The following RFC3 variants were observed in gnomAD, a reference collection of about 807,000 sequenced individuals.
The protein encoded by RFC3 is A1 38 kDa subunit.
In RFC3, 41 loss-of-function variants were observed where a neutral mutation model predicts 45.1. That is an observed-to-expected ratio of 0.91 (90% confidence interval 0.71 to 1.18). RFC3 has a LOEUF of 1.18. Ranked by LOEUF, RFC3 falls within the 50% of genes most tolerant of loss-of-function variation. RFC3 has a pLI of 0.00. For missense variants in RFC3, 423 were observed against 428.1 expected (o/e 0.99, Z 0.10); for synonymous variants, 149 against 144.0 (o/e 1.03, Z -0.25).
intron 8 of RFC3, among the ~76,000 whole-genome samples, chr13:33,877,618 A>C (rs987359145): frequency 6.6e-6 from 1 of 151,628 alleles, no homozygotes; most frequent in Non-Finnish European, 1.5e-5. Flanking sequence ...TAAAAATGAA[A>C]AGCTTTTATT....
chr13:33,818,326 C>G (rs1212205913), intron 1 of RFC3, 61 bp downstream of exon 1: 2 of 1,412,374 alleles, frequency 1.4e-6, no homozygotes, highest in East Asian at 4.6e-5. Flanking sequence ...GGGTTTCGCG[C>G]CCCCCTGAGG....
chr13:33,922,518 A>G (rs999181298), intron 8 of RFC3, among the ~76,000 whole-genome samples: 1 of 152,156 alleles, frequency 6.6e-6, no homozygotes, highest in Non-Finnish European at 1.5e-5. Context: ...TAGATAATTT[A>G]CTTGTTGATA....
At chr13:33,850,231 AATT>A (rs1264522085) in intron 8 of RFC3, 11 of 152,196 alleles carry the variant, frequency 7.2e-5, no homozygotes, top group African/African-American at 2.6e-4. Context: ...TTTGTTTTTA[AATT>A]GTGGAGATGA....
rs2082689309 is a variant in RFC3 at position 33,909,134 on chromosome 13, G to C, written c.880-56953G>C. Among the ~76,000 whole-genome samples the C allele has an allele frequency of 2.0e-5, 3 of 151,980 alleles. No individual in the cohort carries two copies. The South Asian group carries it at 6.2e-4, about 32-fold the overall frequency. ...ATAGCTTTTCTCACATTGCCTAAAA[G>C]ATGTTGAAACTACCTGTAATATACA... is the stretch of plus-strand genomic sequence containing the variant. On this transcript the variant is annotated intron_variant, in intron 8 of 8. Coordinates refer to the RFC3 transcript ENST00000434425.
chr13:33,882,435 A>G (rs2082491277), intron 8 of RFC3, among the ~76,000 whole-genome samples: 2 of 152,190 alleles, frequency 1.3e-5, no homozygotes, highest in South Asian at 4.1e-4. Flanking sequence ...CTCCAGTGTG[A>G]TGGTGTTTGG....
At chr13:33,893,211 A>G (rs990886625) in intron 8 of RFC3, among the ~76,000 whole-genome samples, 3 of 152,172 alleles carry the variant, frequency 2.0e-5, no homozygotes, top group Admixed American at 2.0e-4. Flanking sequence ...ACCCCTGGGC[A>G]TGAACCCTTA....
chr13:33,891,056 A>C (rs890073885), intron 8 of RFC3, among the ~76,000 whole-genome samples: 1 of 152,176 alleles, frequency 6.6e-6, no homozygotes, highest in Non-Finnish European at 1.5e-5. Flanking sequence ...ATTTCCAATA[A>C]TTTTTATCTT....
At chr13:33,868,504 G>C (rs111311581) in intron 8 of RFC3, among the ~76,000 whole-genome samples, 1 of 152,206 alleles carries the variant, frequency 6.6e-6, no homozygotes, top group South Asian at 2.1e-4. Context: ...AACCAATCAG[G>C]CTGGTCATGG....
intron 8 of RFC3, among the ~76,000 whole-genome samples, chr13:33,876,392 T>G (rs1176207169): frequency 6.6e-6 from 1 of 152,212 alleles, no homozygotes; most frequent in Non-Finnish European, 1.5e-5. Context: ...TTGACAATCC[T>G]TATTTTAATC....
At chr13:33,971,514 G>A (rs537637907), downstream of RFC3, among the ~76,000 whole-genome samples, 9 of 152,234 alleles carry the variant, frequency 5.9e-5, no homozygotes, top group Non-Finnish European at 1.3e-4. Flanking sequence ...TTTAGGCTTT[G>A]TGAGCTACAT....
In RFC3 at chr13:33,895,405, A is replaced by G. The variant is rs1434104234; in HGVS notation, c.879+60188A>G. Among the ~76,000 whole-genome samples, 3 of 152,316 alleles carry G rather than the reference A, an allele frequency of 2.0e-5. No individual in the cohort carries two copies. The South Asian group carries it at 6.2e-4, about 32-fold the overall frequency. Reference sequence around the variant, plus strand: ...ATAAAAATGCTCAACGTCACTAATCATCAGGAATATGGCATATTAAAACCA... The same window carrying G: ...ATAAAAATGCTCAACGTCACTAATCGTCAGGAATATGGCATATTAAAACCA... On this transcript the variant is annotated intron_variant, in intron 8 of 8. Transcript: ENST00000434425.
At chr13:33,852,565 C>T (rs1253057163) in intron 8 of RFC3, among the ~76,000 whole-genome samples, 1 of 151,918 alleles carries the variant, frequency 6.6e-6, no homozygotes, top group Non-Finnish European at 1.5e-5. Context: ...GGTATATTCA[C>T]CAGGAACATT....
intron 8 of RFC3, among the ~76,000 whole-genome samples, chr13:33,926,775 T>C (rs2082816526): frequency 6.6e-6 from 1 of 151,134 alleles, no homozygotes; most frequent in Non-Finnish European, 1.5e-5. Flanking sequence ...GGATACACTT[T>C]TGTCAACATT....
At chr13:33,889,984 A>T (rs1201562030) in intron 8 of RFC3, among the ~76,000 whole-genome samples, 1 of 152,168 alleles carries the variant, frequency 6.6e-6, no homozygotes, top group Admixed American at 6.5e-5. Context: ...AGTGCTAGGG[A>T]TATACTGGTG....
downstream of RFC3, among the ~76,000 whole-genome samples, chr13:33,971,503 T>C (rs1308322855): frequency 1.3e-5 from 2 of 152,238 alleles, no homozygotes; most frequent in Non-Finnish European, 2.9e-5. Flanking sequence ...ATCATAAATA[T>C]TTTAGGCTTT....
chr13:33,960,730 C>G (rs1036830914), intron 8 of RFC3, among the ~76,000 whole-genome samples: 5 of 152,196 alleles, frequency 3.3e-5, no homozygotes, highest in Admixed American at 1.3e-4. Flanking sequence ...AATTCACACA[C>G]CCTTATTTCT....
At chr13:33,872,792 A>ACCC (rs11382058) in intron 8 of RFC3, among the ~76,000 whole-genome samples, 1,940 of 97,426 alleles carry the variant, frequency 0.02, 97 homozygotes, top group East Asian at 0.03. Context: ...AAGAAACCAA[A>ACCC]CCCCCCCCCC....
intron 8 of RFC3, among the ~76,000 whole-genome samples, chr13:33,898,781 C>T (rs2082618390): frequency 1.3e-5 from 2 of 151,400 alleles, no homozygotes; most frequent in Admixed American, 1.3e-4. Context: ...AGAGAAAATC[C>T]AGGTAAATAA....
At chr13:33,879,938 C>T (rs2082472125) in intron 8 of RFC3, among the ~76,000 whole-genome samples, 1 of 152,164 alleles carries the variant, frequency 6.6e-6, no homozygotes, top group Non-Finnish European at 1.5e-5. Flanking sequence ...CCAGCCATGG[C>T]TTAAGTCTTT....
Sources: gnomAD v4.1 joint callset for allele counts (sites outside exome capture counted in the v4.1 genomes callset) on GRCh38, gnomAD v4.1.1 for gene constraint, MANE v1.5 for transcripts, NCBI Gene and HGNC (gene_info 2026-07-23, HGNC 2026-07-21) for gene names.